The following EXOC2 variants were observed in gnomAD, a reference collection of about 807,000 sequenced individuals.
EXOC2 encodes the protein SEC5-like 1.
Under a neutral mutation model 131.8 loss-of-function variants are expected in EXOC2, and 70 were observed. The ratio of observed to expected loss-of-function variants is 0.53; its 90% CI spans 0.44 to 0.65. EXOC2 has a LOEUF of 0.65. Among genes scored for constraint, EXOC2 ranks in the 30% least tolerant of loss-of-function variants. EXOC2 has a pLI of 0.00. For synonymous variants in EXOC2, 411 were observed against 398.4 expected, an observed-to-expected ratio of 1.03 and a Z score of -0.38; for missense variants, 923 against 1,108.6, an observed-to-expected ratio of 0.83 and a Z score of 2.38.
At chr6:617,978 C>A (rs1761098854) in intron 5 of EXOC2, 143 bp from the exon 6 acceptor site, 1 of 989,744 alleles carries the variant, frequency 1.0e-6, no homozygotes, top group Non-Finnish European at 1.4e-6. Context: ...CAGATGAAAT[C>A]AAAAAGCTTT....
At chr6:682,801 T>C (rs1249751274) in intron 1 of EXOC2, among the ~76,000 whole-genome samples, 1 of 152,206 alleles carries the variant, frequency 6.6e-6, no homozygotes, top group African/African-American at 2.4e-5. Flanking sequence ...TGGACTTAGA[T>C]AATGGTGATG....
chr6:598,687 C>T lies in EXOC2; in HGVS notation c.970+173G>A, dbSNP rs546734591. Among the ~76,000 whole-genome samples, 18 of 152,224 alleles carry T rather than the reference C, an allele frequency of 1.2e-4. No individual in the cohort carries two copies. In the South Asian group the frequency reaches 2.3e-3, roughly 19 times the overall value. ...GAGTCGTGGTTGCTCATTTTCACTG[C>T]GTATCAAATAAGAAAAGTCATACTG... On this transcript the variant is annotated intron_variant, in intron 9 of 27. Coordinates refer to ENST00000230449, the MANE Select transcript of EXOC2 (RefSeq NM_018303.6).
intron 1 of EXOC2, among the ~76,000 whole-genome samples, chr6:683,231 A>ACCT (rs1764492331): frequency 6.6e-6 from 1 of 152,244 alleles, no homozygotes; most frequent in Non-Finnish European, 1.5e-5. Context: ...GACTGCCAGG[A>ACCT]AGACATGAAA....
At chr6:497,608 T>A in intron 24 of EXOC2, 119 bp from the exon 25 acceptor site, 1 of 1,298,548 alleles carries the variant, frequency 7.7e-7, no homozygotes, top group Non-Finnish European at 1.0e-6. Flanking sequence ...AAGTCATTTT[T>A]AAAAGGCCAA....
chr6:510,913 C>T (rs1333225569), intron 23 of EXOC2, among the ~76,000 whole-genome samples: 2 of 152,224 alleles, frequency 1.3e-5, no homozygotes, highest in South Asian at 2.1e-4. Context: ...CAGATGAATG[C>T]GTTTGTTTTG....
chr6:498,689 G>A (rs1441652023), intron 24 of EXOC2, among the ~76,000 whole-genome samples: 3 of 152,038 alleles, frequency 2.0e-5, no homozygotes, highest in Non-Finnish European at 4.4e-5. Flanking sequence ...GTCTTCCCTG[G>A]TCATATTCGG....
At chr6:681,713 G>A (rs1764411979) in intron 1 of EXOC2, among the ~76,000 whole-genome samples, 1 of 152,166 alleles carries the variant, frequency 6.6e-6, no homozygotes, top group Admixed American at 6.5e-5. Flanking sequence ...CAGTTCTAAT[G>A]AAAAGTGCAA....
intron 17 of EXOC2, among the ~76,000 whole-genome samples, chr6:561,515 T>C (rs923427526): frequency 1.3e-5 from 2 of 152,240 alleles, no homozygotes; most frequent in Non-Finnish European, 2.9e-5. Flanking sequence ...TTTGTAAATC[T>C]GGGCAAGTCA....
chr6:569,519 C>T (rs562636116), intron 13 of EXOC2, among the ~76,000 whole-genome samples: 1 of 149,988 alleles, frequency 6.7e-6, no homozygotes, highest in African/African-American at 2.5e-5. Flanking sequence ...AACTATCATG[C>T]TTTCTTGTGT....
chr6:660,612 A>C (rs138654448), intron 1 of EXOC2, among the ~76,000 whole-genome samples: 51 of 152,318 alleles, frequency 3.3e-4, no homozygotes, highest in African/African-American at 1.1e-3. Context: ...AGAGCACTAC[A>C]TCAAGGGAAC....
chr6:687,981 G>C (rs1268523589), intron 1 of EXOC2, among the ~76,000 whole-genome samples: 1 of 150,296 alleles, frequency 6.7e-6, no homozygotes, highest in Non-Finnish European at 1.5e-5. Context: ...GAACACCTGA[G>C]TGAAGTCCTC....
chr6:674,681 G>A (rs1445414280), intron 1 of EXOC2, among the ~76,000 whole-genome samples: 1 of 151,870 alleles, frequency 6.6e-6, no homozygotes, highest in Non-Finnish European at 1.5e-5. Flanking sequence ...CTAAAGCTGT[G>A]GTACAAAAAG....
chr6:588,415 C>T (rs1388436652), intron 11 of EXOC2, among the ~76,000 whole-genome samples: 13 of 152,012 alleles, frequency 8.6e-5, no homozygotes, highest in African/African-American at 2.4e-4. Flanking sequence ...TGCAGTGGTA[C>T]GATCTCGGCT....
chr6:495,325 C>T (rs550183220), intron 25 of EXOC2, among the ~76,000 whole-genome samples: 48 of 152,108 alleles, frequency 3.2e-4, no homozygotes, highest in African/African-American at 7.7e-4. Context: ...CGGGTTTCAC[C>T]GTGTTAGCCA....
chr6:509,747 T>C (rs1023067755), intron 23 of EXOC2, among the ~76,000 whole-genome samples: 8 of 152,198 alleles, frequency 5.3e-5, no homozygotes, highest in Non-Finnish European at 1.0e-4. Context: ...GCATTTCCTG[T>C]TGTAATTGGA....
At chr6:551,574 G>C (rs1757145385) in intron 21 of EXOC2, among the ~76,000 whole-genome samples, 1 of 152,162 alleles carries the variant, frequency 6.6e-6, no homozygotes, top group African/African-American at 2.4e-5. Flanking sequence ...CCACCCACTG[G>C]AAGAGGCACA....
chr6:677,916 G>T (rs909951363), intron 1 of EXOC2, among the ~76,000 whole-genome samples: 1 of 147,286 alleles, frequency 6.8e-6, no homozygotes, highest in Non-Finnish European at 1.5e-5. Flanking sequence ...TTGCATCAGG[G>T]GCTGTGCTTA....
intron 11 of EXOC2, among the ~76,000 whole-genome samples, chr6:578,413 T>G (rs938276962): frequency 1.3e-5 from 2 of 151,900 alleles, no homozygotes; most frequent in Non-Finnish European, 2.9e-5. Flanking sequence ...AGGCAGAAAA[T>G]AAACCAATAG....
intron 7 of EXOC2, among the ~76,000 whole-genome samples, chr6:603,099 CG>C (rs1273575591): frequency 6.6e-6 from 1 of 152,250 alleles, no homozygotes; most frequent in East Asian, 1.9e-4. Context: ...AGACAGATCA[CG>C]GAAGTGATTT....
Sources: gnomAD v4.1 joint callset for allele counts (sites outside exome capture counted in the v4.1 genomes callset) on GRCh38, gnomAD v4.1.1 for gene constraint, MANE v1.5 for transcripts, NCBI Gene and HGNC (gene_info 2026-07-23, HGNC 2026-07-21) for gene names.